TTLL5: variants seen among roughly 807,000 people sequenced by gnomAD.
TTLL5 encodes tubulin tyrosine ligase like 5, also known as tubulin polyglutamylase TTLL5.
A neutral mutation model predicts 168.4 loss-of-function variants in TTLL5; 132 were observed. The ratio of observed to expected loss-of-function variants is 0.78; its 90% CI spans 0.68 to 0.91. TTLL5 has a LOEUF of 0.91. TTLL5 is among the 40% of genes least tolerant of loss of function. TTLL5 has a pLI of 0.00. For synonymous variants in TTLL5, 546 were observed against 558.6 expected, an observed-to-expected ratio of 0.98 and a Z score of 0.32; for missense variants, 1,545 against 1,581.5, an observed-to-expected ratio of 0.98 and a Z score of 0.39.
intron 2 of TTLL5, among the ~76,000 whole-genome samples, chr14:75,667,762 T>TG (rs1286791831): frequency 6.9e-6 from 1 of 144,358 alleles, no homozygotes; most frequent in African/African-American, 2.5e-5. Context: ...TTTTTTTTTT[T>TG]TTTTTTTTTT....
At chr14:75,724,122 A>C (rs915437768) in intron 12 of TTLL5, among the ~76,000 whole-genome samples, 3 of 152,050 alleles carry the variant, frequency 2.0e-5, no homozygotes, top group Non-Finnish European at 2.9e-5. Flanking sequence ...CCAACAGACC[A>C]GACATGGGGT....
intron 28 of TTLL5, among the ~76,000 whole-genome samples, chr14:75,854,441 C>T (rs1897031904): frequency 6.6e-6 from 1 of 152,170 alleles, no homozygotes; most frequent in Non-Finnish European, 1.5e-5. Context: ...AGGATTGGTT[C>T]CAGTTTTTGA....
At chr14:75,813,698 T>A (rs928116157) in intron 27 of TTLL5, among the ~76,000 whole-genome samples, 4 of 152,110 alleles carry the variant, frequency 2.6e-5, no homozygotes, top group African/African-American at 9.7e-5. Flanking sequence ...TAAAATTGAT[T>A]ATAGTAGAAC....
At chr14:75,796,765 A>C (rs1322229234) in intron 27 of TTLL5, among the ~76,000 whole-genome samples, 1 of 151,908 alleles carries the variant, frequency 6.6e-6, no homozygotes, top group East Asian at 1.9e-4. Context: ...TGGGTTTTCT[A>C]TTCTGTTCTA....
intron 29 of TTLL5, among the ~76,000 whole-genome samples, chr14:75,882,024 C>T (rs1029580407): frequency 2.0e-5 from 3 of 152,158 alleles, no homozygotes; most frequent in Non-Finnish European, 2.9e-5. Flanking sequence ...ATGTAACTAG[C>T]ATTTGTATAG....
intron 31 of TTLL5, among the ~76,000 whole-genome samples, chr14:75,946,898 A>G (rs1252091618): frequency 6.6e-6 from 1 of 152,236 alleles, no homozygotes; most frequent in Non-Finnish European, 1.5e-5. Context: ...GGTGGAGGGA[A>G]CAGCGGGAGC....
At chr14:75,698,173 C>G (rs1334017420) in intron 6 of TTLL5, among the ~76,000 whole-genome samples, 3 of 152,216 alleles carry the variant, frequency 2.0e-5, no homozygotes, top group Non-Finnish European at 4.4e-5. Context: ...GAGCTCTAGC[C>G]TGCTTCTCTC....
At chr14:75,734,155 T>G (rs1888737693) in intron 14 of TTLL5, 105 bp downstream of exon 14, 1 of 1,031,752 alleles carries the variant, frequency 9.7e-7, no homozygotes. Context: ...TAAGCCATGC[T>G]GAATGGTTTG....
rs9323615 is a variant in TTLL5, at chr14:75,685,208, C to T, written c.371+1552C>T. On this transcript the variant is annotated intron_variant, in intron 5 of 31. Transcript: ENST00000298832. ...GACCACCCTGGGCAACATGGCAAAA[C>T]CCCGGCTCTAAAAAAAACAAAAAAT... Among the ~76,000 whole-genome samples, 1,363 of 151,820 alleles carry T rather than the reference C, an allele frequency of 9.0e-3. 23 individuals are homozygous for T. The highest frequency in any genetic ancestry group is 0.032 in the African/African-American group (1,310 of 41,404).
At chr14:75,792,813 G>A (rs1566606732) in intron 26 of TTLL5, 103 bp from the exon 27 acceptor site, 1 of 953,110 alleles carries the variant, frequency 1.0e-6, no homozygotes, top group Non-Finnish European at 1.5e-6. Flanking sequence ...AAGATCCTTA[G>A]GGTTCAGTAA....
At chr14:75,921,850 T>C (rs530994237) in intron 31 of TTLL5, among the ~76,000 whole-genome samples, 50 of 152,388 alleles carry the variant, frequency 3.3e-4, no homozygotes, top group African/African-American at 1.2e-3. Context: ...TGATTCTTCC[T>C]ATCCATGAGC....
At chr14:75,722,244 C>G (rs1244073611) in intron 12 of TTLL5, among the ~76,000 whole-genome samples, 1 of 152,060 alleles carries the variant, frequency 6.6e-6, no homozygotes, top group Non-Finnish European at 1.5e-5. Flanking sequence ...CCTCCTCCCT[C>G]ATGCTGTTCT....
intron 31 of TTLL5, among the ~76,000 whole-genome samples, chr14:75,925,881 C>T (rs1409584824): frequency 6.6e-6 from 1 of 152,010 alleles, no homozygotes; most frequent in African/African-American, 2.4e-5. Flanking sequence ...AAACCCGTCT[C>T]CACCAAAAAA....
intron 17 of TTLL5, among the ~76,000 whole-genome samples, chr14:75,749,819 A>T (rs757589761): frequency 8.5e-5 from 13 of 152,138 alleles, no homozygotes; most frequent in African/African-American, 1.2e-4. Flanking sequence ...TTATCAACAA[A>T]TGTCTACATT....
intron 12 of TTLL5, among the ~76,000 whole-genome samples, chr14:75,730,355 T>C (rs1183473541): frequency 2.0e-5 from 3 of 152,206 alleles, no homozygotes; most frequent in Non-Finnish European, 4.4e-5. Flanking sequence ...TATGAATTCA[T>C]TGCGAAAAGA....
chr14:75,872,581 T>G (rs1159393598), intron 29 of TTLL5, among the ~76,000 whole-genome samples: 1 of 152,010 alleles, frequency 6.6e-6, no homozygotes, highest in African/African-American at 2.4e-5. Context: ...TGAGATAACA[T>G]AAAGCACTTA....
At chr14:75,726,559 A>G (rs1473630039) in intron 12 of TTLL5, among the ~76,000 whole-genome samples, 1 of 152,226 alleles carries the variant, frequency 6.6e-6, no homozygotes, top group Non-Finnish European at 1.5e-5. Flanking sequence ...TACAAGTAGT[A>G]TAAGTGACTC....
intron 4 of TTLL5, among the ~76,000 whole-genome samples, chr14:75,682,788 A>G (rs1354679110): frequency 6.7e-6 from 1 of 149,342 alleles, no homozygotes; most frequent in African/African-American, 2.5e-5. Flanking sequence ...ATTTTTAGAG[A>G]TGGAGTCTCA....
At chr14:75,815,633 G>A (rs1036583547) in intron 27 of TTLL5, among the ~76,000 whole-genome samples, 2 of 152,184 alleles carry the variant, frequency 1.3e-5, no homozygotes, top group African/African-American at 4.8e-5. Context: ...GGAAAAGCTG[G>A]TATAGTTTTG....
Sources: gnomAD v4.1 joint callset for allele counts (sites outside exome capture counted in the v4.1 genomes callset) on GRCh38, gnomAD v4.1.1 for gene constraint, MANE v1.5 for transcripts, NCBI Gene and HGNC (gene_info 2026-07-23, HGNC 2026-07-21) for gene names.